The following SNX29 variants were observed in gnomAD, a reference collection of about 807,000 sequenced individuals.
The protein encoded by SNX29 is sorting nexin-29.
In SNX29, 78 loss-of-function variants were observed where a neutral mutation model predicts 102.1. That is an observed-to-expected ratio of 0.76 (90% CI 0.64 to 0.92). The LOEUF (loss-of-function observed/expected upper bound fraction) is 0.92. SNX29 is among the 40% of genes least tolerant of loss of function. SNX29 has a pLI of 0.00. For synonymous variants in SNX29, 580 were observed against 414.5 expected, an observed-to-expected ratio of 1.40 and a Z score of -4.85; for missense variants, 1,280 against 1,061.7, an observed-to-expected ratio of 1.21 and a Z score of -2.86.
At chr16:12,552,749 T>C (rs1416532920) in intron 20 of SNX29, among the ~76,000 whole-genome samples, 2 of 152,216 alleles carry the variant, frequency 1.3e-5, no homozygotes, top group African/African-American at 4.8e-5. Context: ...GTGAAATCAC[T>C]TCTGATTTAA....
At chr16:12,539,304 C>G (rs1033061665) in intron 20 of SNX29, among the ~76,000 whole-genome samples, 2 of 151,906 alleles carry the variant, frequency 1.3e-5, no homozygotes, top group Non-Finnish European at 2.9e-5. Flanking sequence ...AAGCCCTTGT[C>G]CCTCCCCCTC....
intron 13 of SNX29, among the ~76,000 whole-genome samples, chr16:12,154,609 C>T (rs987026699): frequency 3.9e-5 from 6 of 152,316 alleles, no homozygotes; most frequent in African/African-American, 9.6e-5. Context: ...AGCAGGTGAC[C>T]GGCAGGTGCC....
In SNX29 at chr16:12,570,306, AG is replaced by A; in HGVS notation, c.*1678del. 2 of 1,034,050 alleles carry A rather than the reference AG, an allele frequency of 1.9e-6. No individual in the cohort carries two copies. The highest frequency in any genetic ancestry group is 9.3e-5 in the South Asian group (2 of 21,408). The allele number at this position is 1,034,050 out of a possible 1,614,324, so 64.1% of individuals were successfully genotyped here. On this transcript the variant is annotated 3_prime_UTR_variant, in exon 21 of 21. Transcript: ENST00000566228. Reference sequence around the variant, plus strand: ...TCAGTTTGCGAGTGTGGAGGACCCGAGACATCCTGTAAAGGCAACTTGGTCT... The same window carrying A: ...TCAGTTTGCGAGTGTGGAGGACCCGAACATCCTGTAAAGGCAACTTGGTCT...
chr16:12,366,839 G>GTCTC (rs553913053), intron 16 of SNX29: 1 of 148,738 alleles, frequency 6.7e-6, no homozygotes, highest in African/African-American at 2.5e-5. Context: ...CTCTGCCTCT[G>GTCTC]TCTCTCTCTC....
At chr16:12,343,795 A>G (rs2081689289) in intron 15 of SNX29, among the ~76,000 whole-genome samples, 1 of 152,172 alleles carries the variant, frequency 6.6e-6, no homozygotes, top group Non-Finnish European at 1.5e-5. Context: ...GTTGCTCAAT[A>G]AATGTTTGTT....
intron 18 of SNX29, among the ~76,000 whole-genome samples, chr16:12,461,978 A>AAATAAATAT (rs1555544501): frequency 3.7e-5 from 1 of 27,354 alleles, no homozygotes; most frequent in African/African-American, 1.4e-4. Flanking sequence ...AAAAAAAAAA[A>AAATAAATAT]ATATATATAT....
intron 11 of SNX29, among the ~76,000 whole-genome samples, chr16:12,080,274 C>T (rs1346355620): frequency 1.3e-5 from 2 of 152,028 alleles, no homozygotes; most frequent in African/African-American, 2.4e-5. Context: ...GGGAGGCACC[C>T]AGCATTCTTT....
chr16:12,444,064 A>G (rs957397087), intron 18 of SNX29, among the ~76,000 whole-genome samples: 9 of 147,612 alleles, frequency 6.1e-5, no homozygotes, highest in African/African-American at 2.4e-4. Context: ...AGCACTCAGT[A>G]TAAGACCTAG....
At chr16:12,340,681 G>C (rs1208662504) in intron 15 of SNX29, among the ~76,000 whole-genome samples, 1 of 152,108 alleles carries the variant, frequency 6.6e-6, no homozygotes, top group Non-Finnish European at 1.5e-5. Context: ...CAGTCGGGAG[G>C]GACCAGAAGG....
At chr16:12,006,456 T>C (rs1455097149) in intron 3 of SNX29, among the ~76,000 whole-genome samples, 3 of 148,534 alleles carry the variant, frequency 2.0e-5, no homozygotes, top group Non-Finnish European at 4.4e-5. Flanking sequence ...GCGGAGGTTT[T>C]GGTGAGCCGA....
At chr16:12,546,161 A>T (rs940448777) in intron 20 of SNX29, 3 of 152,198 alleles carry the variant, frequency 2.0e-5, no homozygotes, top group Admixed American at 1.3e-4. Context: ...ACCTGGTAAC[A>T]TAGGGATGGG....
intron 18 of SNX29, among the ~76,000 whole-genome samples, chr16:12,416,502 C>A (rs1329469520): frequency 6.6e-6 from 1 of 152,168 alleles, no homozygotes; most frequent in Non-Finnish European, 1.5e-5. Context: ...AAAACAGATA[C>A]ATGTAGCAAA....
Position 12,062,185 on chromosome 16 carries a change from C to T in SNX29, c.1243+539C>T, listed in dbSNP as rs978545083. ...CCTGAGGTCAGGAGTTTGAGACCAG[C>T]CTGGCCAACATGGTGAAGCCCTGTC... On this transcript the variant is annotated intron_variant, in intron 9 of 20. Coordinates refer to ENST00000566228, the MANE Select transcript of SNX29 (RefSeq NM_032167.5). Among the ~76,000 whole-genome samples, 4 of 151,856 alleles carry T rather than the reference C, an allele frequency of 2.6e-5. No individual in the cohort carries two copies. The South Asian group carries it at 6.2e-4, about 24-fold the overall frequency.
chr16:11,986,668 C>G lies in SNX29; in HGVS notation c.7+9855C>G, dbSNP rs531653728. On this transcript the variant is annotated intron_variant, in intron 1 of 20. Coordinates refer to ENST00000566228, the MANE Select transcript of SNX29 (RefSeq NM_032167.5). ...GATGTACCGCAGCTATTTAACCTCT[C>G]TCCCATTGCAAAAGACAGTCAATTC... Among the ~76,000 whole-genome samples the G allele has an allele frequency of 2.0e-5, 3 of 152,326 alleles. No homozygotes were observed. The South Asian group carries it at 6.2e-4, about 32-fold the overall frequency.
intron 14 of SNX29, among the ~76,000 whole-genome samples, chr16:12,250,786 C>T (rs2078398064): frequency 6.6e-6 from 1 of 152,146 alleles, no homozygotes; most frequent in Non-Finnish European, 1.5e-5. Flanking sequence ...AAGGAGGTAG[C>T]ATCTGAGCTC....
At chr16:11,982,920 AATT>A (rs2055456002) in intron 1 of SNX29, among the ~76,000 whole-genome samples, 1 of 151,902 alleles carries the variant, frequency 6.6e-6, no homozygotes, top group African/African-American at 2.4e-5. Flanking sequence ...TATTAAAAAA[AATT>A]TTTTTTAATT....
chr16:12,118,313 CTTTT>C (rs869186902), intron 11 of SNX29, among the ~76,000 whole-genome samples: 23 of 86,112 alleles, frequency 2.7e-4, no homozygotes, highest in African/African-American at 1.1e-3. Flanking sequence ...TACAGACCAC[CTTTT>C]TTTTTTTTTT....
At chr16:12,075,509 A>G (rs976200364) in intron 10 of SNX29, among the ~76,000 whole-genome samples, 3 of 152,090 alleles carry the variant, frequency 2.0e-5, no homozygotes, top group Non-Finnish European at 4.4e-5. Flanking sequence ...CTGCTGTCTG[A>G]TCGTTCCTCT....
At chr16:12,230,840 G>GTATA (rs71408252) in intron 14 of SNX29, among the ~76,000 whole-genome samples, 94,916 of 149,884 alleles carry the variant, frequency 0.63, 30,894 homozygotes, top group African/African-American at 0.78. Context: ...ATGTATGTAT[G>GTATA]TATGTATATA....
Sources: gnomAD v4.1 joint callset for allele counts (sites outside exome capture counted in the v4.1 genomes callset) on GRCh38, gnomAD v4.1.1 for gene constraint, MANE v1.5 for transcripts, NCBI Gene and HGNC (gene_info 2026-07-23, HGNC 2026-07-21) for gene names.